MYH11: variants seen among roughly 807,000 people sequenced by gnomAD.
MYH11 encodes myosin heavy chain 11.
A neutral mutation model predicts 246.6 loss-of-function variants in MYH11; 80 were observed. That is an observed-to-expected ratio of 0.32 (90% CI 0.27 to 0.39). The LOEUF (loss-of-function observed/expected upper bound fraction) is 0.39, where lower values mean the gene tolerates loss of function less well. Among genes scored for constraint, MYH11 ranks in the 10% least tolerant of loss-of-function variants. The probability of loss-of-function intolerance (pLI) is 1.00; values close to 1 mark genes in which losing one functional copy is unlikely to be tolerated. For missense variants in MYH11, 2,158 were observed against 2,546.8 expected, an observed-to-expected ratio of 0.85 and a Z score of 3.29; for synonymous variants, 1,071 against 1,015.5, an observed-to-expected ratio of 1.05 and a Z score of -1.04.
intron 40 of MYH11, among the ~76,000 whole-genome samples, chr16:15,706,204 A>C (rs1400633822): frequency 6.6e-6 from 1 of 152,030 alleles, no homozygotes; most frequent in East Asian, 1.9e-4. Flanking sequence ...CTTCACAGAG[A>C]AGCTTCTGGA....
At chr16:15,770,818 C>G (rs148862414) in intron 9 of MYH11, among the ~76,000 whole-genome samples, 10 of 152,260 alleles carry the variant, frequency 6.6e-5, no homozygotes, top group African/African-American at 2.4e-4. Flanking sequence ...CGGGAATCTA[C>G]TCTGTTCTTT....
intron 21 of MYH11, 39 bp from the exon 22 acceptor site, chr16:15,741,708 CGG>C: frequency 6.2e-7 from 1 of 1,614,046 alleles, no homozygotes; most frequent in East Asian, 2.2e-5. Flanking sequence ...GTGAGCCCCA[CGG>C]GGCCAAGTCC....
intron 14 of MYH11, 138 bp from the exon 15 acceptor site, chr16:15,753,646 G>A: frequency 1.4e-6 from 1 of 735,576 alleles, no homozygotes; most frequent in East Asian, 2.7e-5. Flanking sequence ...CACCATGATG[G>A]GACTCCACAA....
intron 1 of MYH11, among the ~76,000 whole-genome samples, chr16:15,847,915 G>C (rs1324494204): frequency 1.3e-5 from 2 of 152,148 alleles, no homozygotes; most frequent in African/African-American, 2.4e-5. Context: ...TCTGGGCTGG[G>C]GTGGAGCTGC....
Position 15,747,938 on chromosome 16 carries a change from T to C in MYH11, c.2186A>G (p.Glu729Gly), listed in dbSNP as rs1240972361. The C allele has an allele frequency of 1.9e-6, 3 of 1,613,898 alleles. No individual in the cohort carries two copies. Among genetic ancestry groups the C allele is most frequent in the South Asian group, 2.2e-5 (2 of 91,080 alleles). The change falls in exon 18 of 41, where the codon GAG becomes GGG. Residue 729 changes from glutamate to glycine, a missense_variant. Physicochemically the swap from Glu to Gly is moderately conservative, Grantham distance 98. Coordinates refer to ENST00000300036, the MANE Select transcript of MYH11 (RefSeq NM_002474.3). The part of the protein sequence containing the change: ...IVFQEFRQRY[E>G]ILAANAIPKG... ...GGGGATGGCATTCGCCGCCAGGATC[T>C]CGTAGCTTGAAACACAGAGCAGAAG...
intron 25 of MYH11, among the ~76,000 whole-genome samples, chr16:15,736,658 T>C (rs1022093851): frequency 6.6e-6 from 1 of 152,130 alleles, no homozygotes; most frequent in Non-Finnish European, 1.5e-5. Flanking sequence ...ATAGCACAAA[T>C]TGGCCGACAA....
rs766965358 is a variant in MYH11, at chr16:15,720,318, C to T, written c.4792-6G>A. 30 of 1,613,104 alleles carry T rather than the reference C, an allele frequency of 1.9e-5. No homozygotes were observed. Among genetic ancestry groups the T allele is most frequent in the Middle Eastern group, 1.7e-4 (1 of 6,058 alleles). On this transcript the variant is annotated splice_polypyrimidine_tract_variant and splice_region_variant and intron_variant, in intron 33 of 40. Transcript: ENST00000300036. ...TCCGTCTCATACTCGTGAAGCTGGG[C>T]GAGGAATAGAGATGTGTGCTGCCCC...
intron 40 of MYH11, chr16:15,714,688 G>C: frequency 1.6e-6 from 1 of 624,320 alleles, no homozygotes; most frequent in Non-Finnish European, 2.8e-6. Flanking sequence ...GATCGTTAAA[G>C]GATCTAGAAG....
At chr16:15,772,374 G>A (rs1342047772) in intron 8 of MYH11, among the ~76,000 whole-genome samples, 1 of 152,034 alleles carries the variant, frequency 6.6e-6, no homozygotes, top group East Asian at 1.9e-4. Context: ...TTACAGACGT[G>A]AGCCACCGCA....
chr16:15,705,910 A>G (rs1401256194), intron 40 of MYH11, among the ~76,000 whole-genome samples: 1 of 142,982 alleles, frequency 7.0e-6, no homozygotes, highest in Non-Finnish European at 1.5e-5. Flanking sequence ...ACATGAACCC[A>G]GGAGGCGGAG....
At chr16:15,830,842 A>G (rs752218000) in intron 2 of MYH11, among the ~76,000 whole-genome samples, 5 of 152,078 alleles carry the variant, frequency 3.3e-5, no homozygotes, top group Non-Finnish European at 5.9e-5. Context: ...GCACCATTGC[A>G]CTCCAGCCTG....
At chr16:15,704,785 G>C (rs961519403) in intron 40 of MYH11, among the ~76,000 whole-genome samples, 1 of 152,224 alleles carries the variant, frequency 6.6e-6, no homozygotes, top group Non-Finnish European at 1.5e-5. Flanking sequence ...ACCGCACATG[G>C]CGTAAAACAG....
chr16:15,707,682 C>T (rs934126082), intron 40 of MYH11, among the ~76,000 whole-genome samples: 1 of 152,196 alleles, frequency 6.6e-6, no homozygotes, highest in African/African-American at 2.4e-5. Context: ...TCCACATGGC[C>T]TAACTTCACC....
intron 30 of MYH11, 55 bp downstream of exon 30, chr16:15,724,592 C>T: frequency 6.2e-7 from 1 of 1,612,292 alleles, no homozygotes; most frequent in Admixed American, 1.7e-5. Context: ...CGGGGGATCT[C>T]AGCGCAGAGA....
Position 15,753,626 on chromosome 16 carries a change from C to T in MYH11, c.1750-118G>A, listed in dbSNP as rs555643688. Reference sequence around the variant, plus strand: ...TCTTCTGAGGTCAGAGAGGAAATGACGTTTATGACCACCATGATGGGACTC... The same window carrying T: ...TCTTCTGAGGTCAGAGAGGAAATGATGTTTATGACCACCATGATGGGACTC... On this transcript the variant is annotated intron_variant, in intron 14 of 40. Transcript: ENST00000300036. 47 of 792,334 alleles carry T rather than the reference C, an allele frequency of 5.9e-5. No individual in the cohort carries two copies. In the East Asian group the frequency reaches 8.3e-4, roughly 14 times the overall value. The allele number at this position is 792,334 out of a possible 1,614,324, so 49.1% of individuals were successfully genotyped here.
rs1555553475 is a variant in MYH11, at chr16:15,725,148, A to AC, written c.3859-157_3859-156insG. The AC allele has an allele frequency of 9.4e-4, 571 of 608,078 alleles. No homozygotes were observed. The highest frequency in any genetic ancestry group is 5.3e-3 in the East Asian group (184 of 34,740). The allele number at this position is 608,078 out of a possible 1,614,324, so 37.7% of individuals were successfully genotyped here. Reference sequence around the variant, plus strand: ...TGGGACTCTGATAAAAAAAAAAAAAAACACACACACACACAAAAAAAACAG... The same window carrying AC: ...TGGGACTCTGATAAAAAAAAAAAAAACACACACACACACACAAAAAAAACAG... On this transcript the variant is annotated intron_variant, in intron 28 of 40. Transcript: ENST00000300036.
At chr16:15,830,110 G>C (rs780699013) in intron 2 of MYH11, among the ~76,000 whole-genome samples, 1 of 149,256 alleles carries the variant, frequency 6.7e-6, no homozygotes, top group Non-Finnish European at 1.5e-5. Context: ...ACTCCAGCCT[G>C]GGTGATACAG....
intron 40 of MYH11, among the ~76,000 whole-genome samples, chr16:15,708,426 A>G (rs539928520): frequency 2.4e-4 from 37 of 152,216 alleles, no homozygotes; most frequent in Non-Finnish European, 4.7e-4. Context: ...TTCACTGGAC[A>G]AGGGAGGACA....
chr16:15,717,124 C>A lies in MYH11; in HGVS notation c.5504+16G>T, dbSNP rs1409952877. On this transcript the variant is annotated intron_variant, in intron 38 of 40. Coordinates refer to ENST00000300036, the MANE Select transcript of MYH11 (RefSeq NM_002474.3). ...ACCCCCCTGCAAACTGGGTTCGGAACTCCACACCCGCATACCTGGCCTCCT... is the reference window on the plus strand; with the variant it reads ...ACCCCCCTGCAAACTGGGTTCGGAAATCCACACCCGCATACCTGGCCTCCT... 1 of 1,613,904 alleles carries A rather than the reference C, an allele frequency of 6.2e-7. No homozygotes were observed. Among genetic ancestry groups the A allele is most frequent in the African/African-American group, 1.3e-5 (1 of 75,060 alleles).
Sources: gnomAD v4.1 joint callset for allele counts (sites outside exome capture counted in the v4.1 genomes callset) on GRCh38, gnomAD v4.1.1 for gene constraint, MANE v1.5 for transcripts, NCBI Gene and HGNC (gene_info 2026-07-23, HGNC 2026-07-21) for gene names.